Variants in GABRG3 observed in about 807,000 individuals in gnomAD.
GABRG3 encodes gamma-aminobutyric acid receptor subunit gamma-3.
GABRG3 carries 25 observed loss-of-function variants against 48.8 expected under a neutral mutation model. The ratio of observed to expected loss-of-function variants is 0.51; its 90% confidence interval spans 0.37 to 0.72. The LOEUF (loss-of-function observed/expected upper bound fraction) is 0.72. Ranked by LOEUF, GABRG3 falls within the 30% of genes least tolerant of loss-of-function variation. GABRG3 has a pLI of 0.00. For synonymous variants in GABRG3, 227 were observed against 217.6 expected, an observed-to-expected ratio of 1.04 and a Z score of -0.38; for missense variants, 394 against 577.9, an observed-to-expected ratio of 0.68 and a Z score of 3.26.
chr15:27,396,934 C>T (rs1887317097), intron 5 of GABRG3, among the ~76,000 whole-genome samples: 1 of 151,992 alleles, frequency 6.6e-6, no homozygotes, highest in African/African-American at 2.4e-5. Flanking sequence ...TGGTGGTTAC[C>T]TGGGGCTGGA....
intron 3 of GABRG3, 113 bp from the exon 4 acceptor site, chr15:27,326,696 T>C (rs6422909): frequency 0.049 from 37,970 of 779,378 alleles, 3,265 homozygotes; most frequent in African/African-American, 0.29. Context: ...AGAAAGAGAA[T>C]TGGGGAGGTG....
At chr15:27,422,136 G>T (rs565877924) in intron 5 of GABRG3, among the ~76,000 whole-genome samples, 1 of 150,914 alleles carries the variant, frequency 6.6e-6, no homozygotes, top group East Asian at 2.0e-4. Context: ...CCAATACTGG[G>T]TGTTCTAAGA....
chr15:27,199,657 G>A (rs1718437249), intron 3 of GABRG3, among the ~76,000 whole-genome samples: 1 of 152,084 alleles, frequency 6.6e-6, no homozygotes, highest in African/African-American at 2.4e-5. Context: ...TGATGTGCCT[G>A]CTCCCCCTTC....
rs535341071 is a variant in GABRG3 at position 26,988,240 on chromosome 15, G to A, written c.202+11090G>A. 5.3e-5 allele frequency among the ~76,000 whole-genome samples: 8 copies of A among 152,206 alleles called. 1 individual carries two copies. In the South Asian group the frequency reaches 1.7e-3, roughly 32 times the overall value. On this transcript the variant is annotated intron_variant, in intron 2 of 9. Coordinates refer to ENST00000615808, the MANE Select transcript of GABRG3 (RefSeq NM_033223.5). ...TTCTATTAATCAAGAGTGAAATCTT[G>A]ATATTTCTAGCAATAACTGTAGCTG... is the stretch of plus-strand genomic sequence containing the variant.
At position 27,470,400 on chromosome 15, in the gene GABRG3, A is replaced by T. The variant is rs540418454; in HGVS notation, c.575-10250A>T. Among the ~76,000 whole-genome samples the T allele has an allele frequency of 5.4e-3, 817 of 150,832 alleles. 10 individuals are homozygous for T. The highest frequency in any genetic ancestry group is 0.018 in the African/African-American group (756 of 41,112). On this transcript the variant is annotated intron_variant, in intron 5 of 9. Transcript: ENST00000615808. ...CGCCATGCCCAGCTATTTTTTTTTT[A>T]AATTTGTATTTTAGTAGAGATGGGG...
chr15:27,307,036 A>G (rs1192637584), intron 3 of GABRG3, among the ~76,000 whole-genome samples: 1 of 89,292 alleles, frequency 1.1e-5, no homozygotes, highest in East Asian at 2.5e-4. Flanking sequence ...AAACATGTAT[A>G]AAATAAACAT....
chr15:27,030,967 G>T (rs1329876188), intron 3 of GABRG3, among the ~76,000 whole-genome samples: 1 of 151,816 alleles, frequency 6.6e-6, no homozygotes, highest in Non-Finnish European at 1.5e-5. Flanking sequence ...TTTTTTAAAA[G>T]AATTAAATTA....
In GABRG3 at chr15:27,006,538, GTAGGTTTGTCATA is replaced by G. The variant is rs1895588744; in HGVS notation, c.203-20210_203-20198del. Among the ~76,000 whole-genome samples the G allele has an allele frequency of 5.3e-5, 8 of 152,268 alleles. No homozygotes were observed. The South Asian group carries it at 1.7e-3, about 32-fold the overall frequency. On this transcript the variant is annotated intron_variant, in intron 2 of 9. Coordinates refer to ENST00000615808, the MANE Select transcript of GABRG3 (RefSeq NM_033223.5). Reference sequence around the variant, plus strand: ...TTATTTTAGCTTCAGGGGTACAGATGTAGGTTTGTCATATAGGTAAATTTCATGTCATGGGGAT... The same window carrying G: ...TTATTTTAGCTTCAGGGGTACAGATGTAGGTAAATTTCATGTCATGGGGAT...
chr15:27,345,965 A>G (rs1894351310), intron 5 of GABRG3, among the ~76,000 whole-genome samples: 1 of 151,818 alleles, frequency 6.6e-6, no homozygotes, highest in Admixed American at 6.6e-5. Context: ...AGGCACAAGA[A>G]TCACTTGGAA....
At chr15:27,020,473 G>A (rs933227211) in intron 2 of GABRG3, among the ~76,000 whole-genome samples, 2 of 152,116 alleles carry the variant, frequency 1.3e-5, no homozygotes, top group Admixed American at 6.5e-5. Flanking sequence ...GTGCAGTGGC[G>A]CTATCTCGGC....
chr15:27,372,289 A>G (rs1479747707), intron 5 of GABRG3, among the ~76,000 whole-genome samples: 1 of 152,206 alleles, frequency 6.6e-6, no homozygotes, highest in East Asian at 1.9e-4. Flanking sequence ...CTGTTTTATC[A>G]GTATAACCTA....
At chr15:27,127,462 G>T in intron 3 of GABRG3, among the ~76,000 whole-genome samples, 1 of 151,480 alleles carries the variant, frequency 6.6e-6, no homozygotes. Flanking sequence ...GGTGGGAGCC[G>T]TTTAATGTGG....
At chr15:27,059,343 T>C (rs1465391823) in intron 3 of GABRG3, among the ~76,000 whole-genome samples, 1 of 152,232 alleles carries the variant, frequency 6.6e-6, no homozygotes, top group East Asian at 1.9e-4. Context: ...TGCTCCCACC[T>C]GCAGCCCTTC....
At chr15:27,235,757 C>A (rs1261263156) in intron 3 of GABRG3, among the ~76,000 whole-genome samples, 1 of 152,080 alleles carries the variant, frequency 6.6e-6, no homozygotes, top group Non-Finnish European at 1.5e-5. Flanking sequence ...ATCTTAGACT[C>A]CAGGCTCAAA....
At chr15:27,390,751 T>C (rs1896196705) in intron 5 of GABRG3, among the ~76,000 whole-genome samples, 1 of 151,782 alleles carries the variant, frequency 6.6e-6, no homozygotes, top group Non-Finnish European at 1.5e-5. Flanking sequence ...GTGTGGAGAG[T>C]CTCTCCTCAC....
chr15:27,025,661 G>C (rs1490638993), intron 2 of GABRG3, among the ~76,000 whole-genome samples: 1 of 152,162 alleles, frequency 6.6e-6, no homozygotes, highest in East Asian at 1.9e-4. Flanking sequence ...GCAATTTTAC[G>C]AGACCGAGAG....
intron 3 of GABRG3, among the ~76,000 whole-genome samples, chr15:27,207,263 G>C (rs532125324): frequency 6.6e-6 from 1 of 152,180 alleles, no homozygotes; most frequent in African/African-American, 2.4e-5. Context: ...TTTTGCAAAT[G>C]ATGGGGTTTT....
intron 5 of GABRG3, among the ~76,000 whole-genome samples, chr15:27,388,572 C>G (rs958728067): frequency 1.3e-5 from 2 of 152,104 alleles, no homozygotes; most frequent in African/African-American, 2.4e-5. Context: ...ACCACAGAAT[C>G]GGTCCTTGGC....
At chr15:27,062,619 A>C (rs1403786967) in intron 3 of GABRG3, among the ~76,000 whole-genome samples, 1 of 151,874 alleles carries the variant, frequency 6.6e-6, no homozygotes, top group African/African-American at 2.4e-5. Flanking sequence ...AAAAACAAAC[A>C]AACCAACAAA....
Sources: gnomAD v4.1 joint callset for allele counts (sites outside exome capture counted in the v4.1 genomes callset) on GRCh38, gnomAD v4.1.1 for gene constraint, MANE v1.5 for transcripts, NCBI Gene and HGNC (gene_info 2026-07-23, HGNC 2026-07-21) for gene names.